Variants in PI4KA observed in about 807,000 individuals in gnomAD.
The protein encoded by PI4KA is phosphatidylinositol 4-kinase alpha, also known as PI4-kinase alpha.
In PI4KA, 122 loss-of-function variants were observed where a neutral mutation model predicts 271.4. That is an observed-to-expected ratio of 0.45 (90% CI 0.39 to 0.52). The LOEUF (loss-of-function observed/expected upper bound fraction) is 0.52. Ranked by LOEUF, PI4KA falls within the 20% of genes least tolerant of loss-of-function variation. The pLI is 0.00. For synonymous variants in PI4KA, 1,041 were observed against 1,078.8 expected, an observed-to-expected ratio of 0.96 and a Z score of 0.69; for missense variants, 1,969 against 2,769.1, an observed-to-expected ratio of 0.71 and a Z score of 6.48.
At chr22:20,746,279 G>A (rs953663972) in intron 29 of PI4KA, among the ~76,000 whole-genome samples, 5 of 151,830 alleles carry the variant, frequency 3.3e-5, no homozygotes, top group African/African-American at 4.8e-5. Context: ...GGCCAGGATG[G>A]TCTCGATCCA....
chr22:20,840,939 C>A (rs1376130965), intron 1 of PI4KA, among the ~76,000 whole-genome samples: 1 of 152,140 alleles, frequency 6.6e-6, no homozygotes, highest in African/African-American at 2.4e-5. Context: ...TAAAATGAGG[C>A]TGAGACCTAC....
chr22:20,781,894 G>C (rs987249524), intron 19 of PI4KA, among the ~76,000 whole-genome samples: 1 of 152,180 alleles, frequency 6.6e-6, no homozygotes, highest in Non-Finnish European at 1.5e-5. Context: ...TCACAGAGAT[G>C]ACACCCACTC....
intron 2 of PI4KA, among the ~76,000 whole-genome samples, chr22:20,836,054 A>AAAAACAAAACC (rs1555908293): frequency 6.7e-6 from 1 of 149,334 alleles, no homozygotes; most frequent in African/African-American, 2.5e-5. Context: ...TCCATTTCAA[A>AAAAACAAAACC]AAAACAAAAC....
chr22:20,803,255 G>A lies in PI4KA; in HGVS notation c.1527C>T (p.Asp509=), dbSNP rs150105008. The change falls in exon 13 of 55, where the codon GAC becomes GAT. Residue 509 remains aspartate (D), a synonymous_variant. Coordinates refer to ENST00000255882, the MANE Select transcript of PI4KA (RefSeq NM_058004.4). ...GAACTGGGGACGGGATGACCAGGAA[G>A]TCTCGCAAGGACGGTGTCACAGAGT... ...VVHSVTPSLR[D]FLVIPSPVLV... is the part of the protein sequence containing the mutation. 6.2e-6 allele frequency: 10 copies of A among 1,614,018 alleles called. No individual in the cohort carries two copies. In the South Asian group the frequency reaches 1.1e-4, roughly 18 times the overall value.
intron 16 of PI4KA, 49 bp from the exon 17 acceptor site, chr22:20,798,736 GC>G: frequency 8.3e-7 from 1 of 1,210,924 alleles, no homozygotes; most frequent in South Asian, 1.2e-5. Flanking sequence ...CCCTCATGAG[GC>G]CCCTCCTGTC....
intron 11 of PI4KA, 82 bp downstream of exon 11, chr22:20,804,892 A>T: frequency 1.8e-6 from 2 of 1,137,250 alleles, no homozygotes; most frequent in South Asian, 1.4e-5. Flanking sequence ...AGTGTTCTAG[A>T]AGTAGTTTGG....
intron 19 of PI4KA, among the ~76,000 whole-genome samples, chr22:20,792,305 G>A (rs747577920): frequency 1.8e-4 from 27 of 152,230 alleles, no homozygotes; most frequent in Non-Finnish European, 2.4e-4. Flanking sequence ...GCAGGGGAAC[G>A]ACTTCAATGA....
At chr22:20,717,799 T>C in intron 44 of PI4KA, 21 bp from the exon 45 acceptor site, 1 of 1,528,864 alleles carries the variant, frequency 6.5e-7, no homozygotes, top group Non-Finnish European at 8.9e-7. Flanking sequence ...GGAAAGAAAT[T>C]CTTGCTTTGT....
At chr22:20,820,984 A>G (rs1435897651) in intron 4 of PI4KA, among the ~76,000 whole-genome samples, 1 of 152,180 alleles carries the variant, frequency 6.6e-6, no homozygotes, top group East Asian at 1.9e-4. Flanking sequence ...CATGATCATA[A>G]ATCCTTTGTA....
intron 32 of PI4KA, among the ~76,000 whole-genome samples, chr22:20,738,920 C>T (rs1210491297): frequency 1.3e-5 from 2 of 151,574 alleles, no homozygotes; most frequent in African/African-American, 4.8e-5. Flanking sequence ...AAAGACATCT[C>T]GGACAGGCGC....
chr22:20,729,112 T>C (rs557409506), intron 39 of PI4KA, among the ~76,000 whole-genome samples: 3 of 152,296 alleles, frequency 2.0e-5, no homozygotes, highest in Admixed American at 6.5e-5. Flanking sequence ...GGCAGGCATC[T>C]GAAAAGATCA....
intron 9 of PI4KA, among the ~76,000 whole-genome samples, 175 bp downstream of exon 9, chr22:20,810,792 G>A (rs1294822053): frequency 2.0e-5 from 3 of 152,104 alleles, no homozygotes; most frequent in Admixed American, 2.0e-4. Flanking sequence ...AGCATGCAAC[G>A]GTACCTACCA....
chr22:20,755,735 G>C (rs1000960548), intron 23 of PI4KA, among the ~76,000 whole-genome samples: 3 of 151,528 alleles, frequency 2.0e-5, no homozygotes, highest in Admixed American at 6.6e-5. Context: ...CTGGGAGGTA[G>C]AGGTTGCAGG....
At chr22:20,749,809 A>G (rs1985709837) in intron 28 of PI4KA, 96 bp downstream of exon 28, 7 of 740,232 alleles carry the variant, frequency 9.5e-6, no homozygotes, top group Non-Finnish European at 1.5e-5. Flanking sequence ...CATTCACACT[A>G]GTGCTATTTG....
At chr22:20,786,033 A>G in intron 19 of PI4KA, 1 of 1,614,174 alleles carries the variant, frequency 6.2e-7, no homozygotes, top group Non-Finnish European at 8.5e-7. Flanking sequence ...CCGAAATTCA[A>G]GCTGGAGAAG....
intron 11 of PI4KA, 64 bp downstream of exon 11, chr22:20,804,910 T>G: frequency 1.5e-6 from 2 of 1,349,074 alleles, no homozygotes; most frequent in Non-Finnish European, 2.1e-6. Flanking sequence ...TGGGGAAACT[T>G]GTGGCAAGAA....
intron 9 of PI4KA, among the ~76,000 whole-genome samples, chr22:20,810,747 C>T (rs1328918692): frequency 6.6e-6 from 1 of 152,106 alleles, no homozygotes; most frequent in Non-Finnish European, 1.5e-5. Context: ...GTAATGCCAC[C>T]AGTCAGAGGC....
At chr22:20,841,144 C>T (rs919258143) in intron 1 of PI4KA, among the ~76,000 whole-genome samples, 4 of 152,122 alleles carry the variant, frequency 2.6e-5, no homozygotes, top group South Asian at 2.1e-4. Context: ...CCTCCCAGAG[C>T]GCTGAGATTA....
chr22:20,799,477 G>A (rs983005487), intron 15 of PI4KA, among the ~76,000 whole-genome samples, 194 bp downstream of exon 15: 3 of 139,652 alleles, frequency 2.1e-5, no homozygotes, highest in East Asian at 1.9e-4. Context: ...GATCTTTCTC[G>A]ACTTCCACAC....
Sources: allele counts gnomAD v4.1 joint callset (sites outside exome capture counted in the v4.1 genomes callset), GRCh38; gene constraint gnomAD v4.1.1; transcripts MANE v1.5; gene names NCBI Gene and HGNC (gene_info 2026-07-23, HGNC 2026-07-21).